GNB4: variants seen among roughly 807,000 people sequenced by gnomAD.
The protein encoded by GNB4 is G protein subunit beta 4, also known as guanine nucleotide-binding protein subunit beta-4.
A neutral mutation model predicts 45.2 loss-of-function variants in GNB4; 28 were observed. The observed-to-expected ratio is 0.62, with a 90% CI of 0.46 to 0.85. The LOEUF (loss-of-function observed/expected upper bound fraction) is 0.85. Among genes scored for constraint, GNB4 ranks in the 40% least tolerant of loss-of-function variants. The pLI, the probability that GNB4 is intolerant of heterozygous loss-of-function variation, is 0.00. For missense variants in GNB4, 321 were observed against 425.4 expected, an observed-to-expected ratio of 0.75 and a Z score of 2.16; for synonymous variants, 132 against 143.7, an observed-to-expected ratio of 0.92 and a Z score of 0.58.
the GNB4 span, among the ~76,000 whole-genome samples, chr3:179,522,235 A>G: frequency 6.6e-6 from 1 of 152,052 alleles, no homozygotes; most frequent in African/African-American, 2.4e-5. Flanking sequence ...TACCTTGTGA[A>G]ATTCCTTCTC....
chr3:179,457,475 A>G, the GNB4 span, among the ~76,000 whole-genome samples: 1 of 152,116 alleles, frequency 6.6e-6, no homozygotes, highest in Non-Finnish European at 1.5e-5. Flanking sequence ...TTTTATGCCA[A>G]ACTCTCTCTC....
At chr3:179,504,273 T>C in the GNB4 span, among the ~76,000 whole-genome samples, 1 of 152,196 alleles carries the variant, frequency 6.6e-6, no homozygotes, top group African/African-American at 2.4e-5. Flanking sequence ...CCCACAGGCC[T>C]GATACTGTGT....
At chr3:179,517,630 T>A in the GNB4 span, among the ~76,000 whole-genome samples, 1 of 152,200 alleles carries the variant, frequency 6.6e-6, no homozygotes, top group Non-Finnish European at 1.5e-5. Flanking sequence ...TTAAATTGGG[T>A]AAGCGGCCTC....
At chr3:179,475,486 T>C in the GNB4 span, among the ~76,000 whole-genome samples, 2 of 151,928 alleles carry the variant, frequency 1.3e-5, no homozygotes, top group African/African-American at 4.8e-5. Flanking sequence ...GTTTATTTAC[T>C]TTTTTGAGAC....
At chr3:179,402,847 C>A (rs962349668) in intron 9 of GNB4, among the ~76,000 whole-genome samples, 33 of 152,172 alleles carry the variant, frequency 2.2e-4, no homozygotes, top group Non-Finnish European at 4.7e-4. Context: ...CCAGGTGTCC[C>A]CTTCCTCCAC....
At chr3:179,512,376 C>G in the GNB4 span, among the ~76,000 whole-genome samples, 23 of 152,056 alleles carry the variant, frequency 1.5e-4, no homozygotes, top group Admixed American at 1.5e-3. Flanking sequence ...TTTCAACCAG[C>G]TTTAGAATTA....
chr3:179,421,543 T>C (rs1244002736), intron 2 of GNB4, among the ~76,000 whole-genome samples: 2 of 152,232 alleles, frequency 1.3e-5, no homozygotes, highest in African/African-American at 2.4e-5. Context: ...CCACAAAGGT[T>C]ATAGTAGTAT....
At chr3:179,518,073 C>A in the GNB4 span, among the ~76,000 whole-genome samples, 1 of 152,078 alleles carries the variant, frequency 6.6e-6, no homozygotes, top group Non-Finnish European at 1.5e-5. Context: ...TCTGGACTTG[C>A]CTCCTTCACT....
At chr3:179,422,097 T>C (rs996243882) in intron 2 of GNB4, among the ~76,000 whole-genome samples, 3 of 152,190 alleles carry the variant, frequency 2.0e-5, no homozygotes, top group East Asian at 3.8e-4. Flanking sequence ...TAGGCACCAA[T>C]AGGCGTCAAA....
the GNB4 span, among the ~76,000 whole-genome samples, chr3:179,485,246 T>A: frequency 1.3e-5 from 2 of 152,008 alleles, no homozygotes; most frequent in African/African-American, 4.8e-5. Flanking sequence ...TCTCCTGACC[T>A]CGTGATCCGC....
intron 9 of GNB4, among the ~76,000 whole-genome samples, chr3:179,403,852 CAAAA>C (rs934691623): frequency 7.0e-4 from 105 of 150,158 alleles, no homozygotes; most frequent in African/African-American, 2.3e-3. Flanking sequence ...TCTTAAAAAA[CAAAA>C]AAAGTCAAAA....
chr3:179,494,945 GA>G, the GNB4 span, among the ~76,000 whole-genome samples: 1 of 141,564 alleles, frequency 7.1e-6, no homozygotes, highest in South Asian at 2.3e-4. Context: ...AGGAAGGAAG[GA>G]AAAAAAATCA....
At chr3:179,466,063 T>G in the GNB4 span, among the ~76,000 whole-genome samples, 6 of 138,048 alleles carry the variant, frequency 4.3e-5, no homozygotes, top group Non-Finnish European at 9.2e-5. Context: ...CAGGCTGGAG[T>G]GCAGTGGCGT....
At chr3:179,493,185 T>G in the GNB4 span, among the ~76,000 whole-genome samples, 8 of 152,044 alleles carry the variant, frequency 5.3e-5, no homozygotes, top group African/African-American at 1.9e-4. Context: ...GGGAACATGA[T>G]GCCACCAAAG....
the GNB4 span, among the ~76,000 whole-genome samples, chr3:179,519,713 C>G: frequency 6.6e-6 from 1 of 152,122 alleles, no homozygotes; most frequent in South Asian, 2.1e-4. Flanking sequence ...TCGAAGCCTC[C>G]TTCACATCCT....
intron 1 of GNB4, among the ~76,000 whole-genome samples, chr3:179,445,686 G>GC (rs1715703766): frequency 6.6e-6 from 1 of 152,192 alleles, no homozygotes; most frequent in African/African-American, 2.4e-5. Context: ...GAGTAGTTAT[G>GC]ATGCATTCAT....
upstream of GNB4, among the ~76,000 whole-genome samples, chr3:179,454,749 A>G (rs1400425195): frequency 1.3e-5 from 2 of 152,214 alleles, no homozygotes; most frequent in Admixed American, 6.5e-5. Flanking sequence ...TATGTGTTGT[A>G]TGCATTCCAA....
chr3:179,454,763 T>C (rs1306916019), upstream of GNB4, among the ~76,000 whole-genome samples: 1 of 152,230 alleles, frequency 6.6e-6, no homozygotes, highest in Non-Finnish European at 1.5e-5. Context: ...ATTCCAATTC[T>C]ATTGTGTTTG....
chr3:179,499,391 C>A, the GNB4 span, among the ~76,000 whole-genome samples: 7 of 151,996 alleles, frequency 4.6e-5, no homozygotes, highest in Non-Finnish European at 8.8e-5. Context: ...CATCTCCTGA[C>A]CTTGTGATCC....
Sources: allele counts gnomAD v4.1 joint callset (sites outside exome capture counted in the v4.1 genomes callset), GRCh38; gene constraint gnomAD v4.1.1; transcripts MANE v1.5; gene names NCBI Gene and HGNC (gene_info 2026-07-23, HGNC 2026-07-21).